The following TRAPPC9 variants were observed in gnomAD, a reference collection of about 807,000 sequenced individuals.
The protein encoded by TRAPPC9 is IKK2 binding protein.
In TRAPPC9, 83 loss-of-function variants were observed where a neutral mutation model predicts 124.0. The observed-to-expected ratio is 0.67, with a 90% confidence interval of 0.56 to 0.80. The LOEUF (loss-of-function observed/expected upper bound fraction) is 0.80. TRAPPC9 is among the 30% of genes least tolerant of loss of function. TRAPPC9 has a pLI of 0.00. For missense variants in TRAPPC9, 1,302 were observed against 1,508.3 expected (o/e 0.86, Z 2.27); for synonymous variants, 638 against 617.5 (o/e 1.03, Z -0.49).
chr8:140,271,833 T>C (rs1053157671), intron 15 of TRAPPC9, among the ~76,000 whole-genome samples: 4 of 152,182 alleles, frequency 2.6e-5, no homozygotes, highest in Non-Finnish European at 5.9e-5. Flanking sequence ...TGGCTAGACA[T>C]CTGATGCACA....
At chr8:140,290,476 G>T (rs746194012) in intron 12 of TRAPPC9, among the ~76,000 whole-genome samples, 8 of 152,192 alleles carry the variant, frequency 5.3e-5, no homozygotes, top group Non-Finnish European at 7.3e-5. Flanking sequence ...CAACAGAAGA[G>T]ATTACAAACT....
rs767456311 is a variant in TRAPPC9, at chr8:139,949,607, CCT to C, written c.2810+39117_2810+39118del. Among the ~76,000 whole-genome samples, 7 of 152,218 alleles carry C rather than the reference CCT, an allele frequency of 4.6e-5. No individual in the cohort carries two copies. The East Asian group carries it at 7.7e-4, about 17-fold the overall frequency. ...GATACATACTTCAACATGAATAGAC[CCT>C]GATTACATTACATGCTGAGTAAAGC... On this transcript the variant is annotated intron_variant, in intron 19 of 22. Transcript: ENST00000438773.
intron 18 of TRAPPC9, among the ~76,000 whole-genome samples, chr8:139,989,859 C>T (rs1379523536): frequency 6.6e-6 from 1 of 152,206 alleles, no homozygotes; most frequent in African/African-American, 2.4e-5. Flanking sequence ...TTGCCGAAAA[C>T]TCATACGGTA....
intron 5 of TRAPPC9, among the ~76,000 whole-genome samples, chr8:140,409,621 T>G (rs999575260): frequency 1.2e-4 from 18 of 151,990 alleles, no homozygotes; most frequent in African/African-American, 4.1e-4. Context: ...CACGCAGCTG[T>G]GAAAGTGGAT....
At chr8:139,938,429 C>T (rs1044026732) in intron 19 of TRAPPC9, among the ~76,000 whole-genome samples, 2 of 151,608 alleles carry the variant, frequency 1.3e-5, no homozygotes, top group Non-Finnish European at 2.9e-5. Context: ...GGACTACAGG[C>T]GCCCACCACC....
chr8:140,271,110 T>C (rs2064864327), intron 15 of TRAPPC9, among the ~76,000 whole-genome samples: 1 of 152,232 alleles, frequency 6.6e-6, no homozygotes, highest in Non-Finnish European at 1.5e-5. Flanking sequence ...AGACTGTAAT[T>C]TTCTGTAATT....
At chr8:140,321,865 C>T (rs2066605194) in intron 9 of TRAPPC9, among the ~76,000 whole-genome samples, 1 of 152,204 alleles carries the variant, frequency 6.6e-6, no homozygotes, top group South Asian at 2.1e-4. Context: ...CCACAGAAAT[C>T]CAGGCAGGGC....
chr8:139,968,167 CAA>C (rs1457100732), intron 19 of TRAPPC9, among the ~76,000 whole-genome samples: 1 of 151,256 alleles, frequency 6.6e-6, no homozygotes, highest in Admixed American at 6.6e-5. Flanking sequence ...AACCAAAAAA[CAA>C]AACAAAATAA....
intron 15 of TRAPPC9, among the ~76,000 whole-genome samples, chr8:140,268,457 C>G (rs1362307023): frequency 6.6e-6 from 1 of 152,220 alleles, no homozygotes; most frequent in African/African-American, 2.4e-5. Flanking sequence ...TGTACCGCAG[C>G]TTGGAACAAG....
At chr8:139,767,457 G>C (rs1487837804) in intron 21 of TRAPPC9, among the ~76,000 whole-genome samples, 3 of 152,222 alleles carry the variant, frequency 2.0e-5, no homozygotes, top group African/African-American at 7.2e-5. Context: ...CCTCACGAGG[G>C]CTCCGTCCCA....
chr8:140,316,887 T>TCAA (rs911474581), intron 9 of TRAPPC9, among the ~76,000 whole-genome samples: 4 of 152,322 alleles, frequency 2.6e-5, no homozygotes, highest in Admixed American at 6.5e-5. Context: ...TATTACTGAT[T>TCAA]CAATTTTCTT....
At chr8:140,166,342 C>T (rs2061837467) in intron 17 of TRAPPC9, among the ~76,000 whole-genome samples, 2 of 152,180 alleles carry the variant, frequency 1.3e-5, no homozygotes, top group African/African-American at 4.8e-5. Flanking sequence ...CCAGCCCTAA[C>T]CCTCTAGGGT....
chr8:140,296,112 G>T (rs1218403509), intron 11 of TRAPPC9, among the ~76,000 whole-genome samples: 1 of 152,084 alleles, frequency 6.6e-6, no homozygotes, highest in South Asian at 2.1e-4. Flanking sequence ...CTTAAATTTC[G>T]TTCAGTCTTA....
chr8:139,844,004 C>G (rs1826903636), intron 21 of TRAPPC9, among the ~76,000 whole-genome samples: 1 of 152,356 alleles, frequency 6.6e-6, no homozygotes, highest in South Asian at 2.1e-4. Flanking sequence ...TGTGGCATAT[C>G]TCGTCCTGTC....
chr8:140,271,403 C>T (rs1703514845), intron 15 of TRAPPC9, among the ~76,000 whole-genome samples: 1 of 152,122 alleles, frequency 6.6e-6, no homozygotes, highest in Non-Finnish European at 1.5e-5. Context: ...CATCCAAAGC[C>T]ACCACTAAGA....
chr8:140,137,851 T>C (rs995123069), intron 17 of TRAPPC9, among the ~76,000 whole-genome samples: 12 of 152,234 alleles, frequency 7.9e-5, no homozygotes, highest in Admixed American at 5.9e-4. Flanking sequence ...ACCATAACCA[T>C]ATACGATTAT....
At chr8:140,003,009 T>A (rs1033266058) in intron 18 of TRAPPC9, among the ~76,000 whole-genome samples, 3 of 151,722 alleles carry the variant, frequency 2.0e-5, no homozygotes, top group Non-Finnish European at 4.4e-5. Flanking sequence ...AAAGGAAAAT[T>A]AGATTTATTA....
chr8:140,053,875 T>C (rs1268245359), intron 17 of TRAPPC9, among the ~76,000 whole-genome samples: 2 of 152,268 alleles, frequency 1.3e-5, no homozygotes, highest in Non-Finnish European at 2.9e-5. Flanking sequence ...TGTACTCATA[T>C]GCTTATTGCA....
intron 21 of TRAPPC9, among the ~76,000 whole-genome samples, chr8:139,869,608 C>T (rs1005404726): frequency 6.6e-6 from 1 of 152,188 alleles, no homozygotes; most frequent in Non-Finnish European, 1.5e-5. Flanking sequence ...ATTTTCAACT[C>T]AATACACTTA....
Sources: gnomAD v4.1 joint callset for allele counts (sites outside exome capture counted in the v4.1 genomes callset) on GRCh38, gnomAD v4.1.1 for gene constraint, MANE v1.5 for transcripts, NCBI Gene and HGNC (gene_info 2026-07-23, HGNC 2026-07-21) for gene names.